The following ZNF227 variants were observed in gnomAD, a reference collection of about 807,000 sequenced individuals.
ZNF227 encodes the protein zinc finger protein 227.
In ZNF227, 12 loss-of-function variants were observed where a neutral mutation model predicts 13.2. The ratio of observed to expected loss-of-function variants is 0.91; its 90% CI spans 0.58 to 1.47. The LOEUF is 1.47. Among genes scored for constraint, ZNF227 ranks in the 40% most tolerant of loss-of-function variants. ZNF227 has a pLI of 0.00. For missense variants in ZNF227, 885 were observed against 967.5 expected (o/e 0.91, Z 1.13); for synonymous variants, 338 against 326.0 (o/e 1.04, Z -0.40).
In ZNF227 at chr19:44,236,381, C is replaced by G. The variant is rs1568621722; in HGVS notation, c.1951C>G (p.Gln651Glu). 3 of 1,614,110 alleles carry G rather than the reference C, an allele frequency of 1.9e-6. No homozygotes were observed. Among genetic ancestry groups the G allele is most frequent in the Non-Finnish European group, 2.5e-6 (3 of 1,180,018 alleles). Residue 651 changes from glutamine (Q) to glutamate (E), a missense_variant, in exon 6 of 6, where the codon CAG (glutamine) becomes GAG (glutamate). Coordinates refer to ENST00000313040, the MANE Select transcript of ZNF227 (RefSeq NM_182490.3). Reference protein sequence around the residue: ...FSQSSGLQSHQRVHTGEKPYK... With the variant: ...FSQSSGLQSHERVHTGEKPYK... ...TCAGTCCTCTGGTCTTCAATCCCAT[C>G]AGAGAGTCCACACGGGGGAAAAGCC...
intron 3 of ZNF227, 24 bp from the exon 4 acceptor site, chr19:44,228,422 G>A: frequency 6.2e-7 from 1 of 1,603,854 alleles, no homozygotes; most frequent in Non-Finnish European, 8.5e-7. Context: ...GTAAGATTGA[G>A]GTTACATGTG....
intron 4 of ZNF227, 90 bp from the exon 5 acceptor site, chr19:44,229,643 T>C: frequency 1.5e-6 from 1 of 661,672 alleles, no homozygotes; most frequent in Non-Finnish European, 2.3e-6. Context: ...AAAATATCAC[T>C]ATAGAGGTTG....
Position 44,236,396 on chromosome 19 carries a change from G to A in ZNF227, c.1966G>A (p.Gly656Arg). ...TCAATCCCATCAGAGAGTCCACACG[G>A]GGGAAAAGCCATACAAATGTGATGT... The part of the protein sequence containing the change: ...GLQSHQRVHT[G>R]EKPYKCDVCG... The change falls in exon 6 of 6, where the codon GGG becomes AGG. Residue 656 changes from glycine (G) to arginine (R), a missense_variant. Gly to Arg is a moderately radical substitution (Grantham distance 125). Coordinates refer to ENST00000313040, the MANE Select transcript of ZNF227 (RefSeq NM_182490.3). 1 of 1,614,078 alleles carries A rather than the reference G, an allele frequency of 6.2e-7. No individual in the cohort carries two copies. Among genetic ancestry groups the A allele is most frequent in the Non-Finnish European group, 8.5e-7 (1 of 1,180,022 alleles).
chr19:44,209,986 C>A (rs1017546693), upstream of ZNF227, among the ~76,000 whole-genome samples: 1 of 152,180 alleles, frequency 6.6e-6, no homozygotes, highest in African/African-American at 2.4e-5. Flanking sequence ...TAGCACCCAG[C>A]ACAAGACTGG....
chr19:44,215,603 C>A (rs1971796430), intron 2 of ZNF227, among the ~76,000 whole-genome samples: 1 of 151,726 alleles, frequency 6.6e-6, no homozygotes, highest in Admixed American at 6.6e-5. Flanking sequence ...TGTCATTCTT[C>A]TAACTTTAAA....
At chr19:44,211,934 C>T (rs1971393815), upstream of ZNF227, among the ~76,000 whole-genome samples, 6 of 135,750 alleles carry the variant, frequency 4.4e-5, no homozygotes, top group South Asian at 9.3e-4. Flanking sequence ...CTCACTCTGT[C>T]GCCCAGGCTG....
Position 44,225,089 on chromosome 19 carries a change from A to G in ZNF227, c.61-3357A>G, listed in dbSNP as rs1972963791. Among the ~76,000 whole-genome samples, 4 of 151,760 alleles carry G rather than the reference A, an allele frequency of 2.6e-5. No individual in the cohort carries two copies. In the South Asian group the frequency reaches 6.3e-4, roughly 24 times the overall value. On this transcript the variant is annotated intron_variant, in intron 3 of 5. Transcript: ENST00000313040. ...ATTCTTTTCTTTAAGAATGTTGAAT[A>G]TTGGCCCCCACTCTCTTCTGGCTTG...
intron 5 of ZNF227, among the ~76,000 whole-genome samples, chr19:44,231,046 A>G (rs1339897824): frequency 1.3e-5 from 2 of 150,508 alleles, no homozygotes; most frequent in African/African-American, 4.9e-5. Context: ...CCTGGACAAC[A>G]TAGTGAGACC....
Position 44,236,930 on chromosome 19 carries a change from A to AGG in ZNF227, c.*104_*105dup. ...ACCCTGTAAAACTACTGAGAGTGGA[A>AGG]GGGGGTTTGTTCACACTTGGAATCT... is the stretch of plus-strand genomic sequence containing the variant. On this transcript the variant is annotated 3_prime_UTR_variant, in exon 6 of 6. Transcript: ENST00000313040. 1 of 931,800 alleles carries AGG rather than the reference A, an allele frequency of 1.1e-6. No homozygotes were observed. Among genetic ancestry groups the AGG allele is most frequent in the Non-Finnish European group, 1.6e-6 (1 of 634,160 alleles). The allele number at this position is 931,800 out of a possible 1,614,324, so 57.7% of individuals were successfully genotyped here.
chr19:44,215,476 C>G (rs1278553452), intron 2 of ZNF227, among the ~76,000 whole-genome samples: 1 of 143,684 alleles, frequency 7.0e-6, no homozygotes, highest in Non-Finnish European at 1.5e-5. Context: ...TTAGTGCAGT[C>G]TGGGATAATT....
At chr19:44,222,430 T>G (rs1260524226) in intron 3 of ZNF227, among the ~76,000 whole-genome samples, 1 of 151,768 alleles carries the variant, frequency 6.6e-6, no homozygotes, top group African/African-American at 2.4e-5. Flanking sequence ...GTATCCTCTT[T>G]TATTTCATCG....
At chr19:44,214,908 G>C (rs1971705741) in intron 2 of ZNF227, among the ~76,000 whole-genome samples, 1 of 151,938 alleles carries the variant, frequency 6.6e-6, no homozygotes, top group South Asian at 2.1e-4. Flanking sequence ...GGTGATTGGA[G>C]GGGTACCGCC....
At chr19:44,218,198 TGTAA>T (rs758773356) in intron 3 of ZNF227, among the ~76,000 whole-genome samples, 17 of 152,340 alleles carry the variant, frequency 1.1e-4, no homozygotes, top group East Asian at 1.9e-4. Flanking sequence ...TCACCTGCAT[TGTAA>T]GTGAGTACAT....
intron 3 of ZNF227, among the ~76,000 whole-genome samples, chr19:44,226,272 A>T (rs1973146979): frequency 6.6e-6 from 1 of 152,232 alleles, no homozygotes; most frequent in Non-Finnish European, 1.5e-5. Flanking sequence ...TCAGATCTCC[A>T]GCTGCATGCT....
intron 3 of ZNF227, among the ~76,000 whole-genome samples, chr19:44,221,977 A>C (rs1048019173): frequency 2.0e-5 from 3 of 152,230 alleles, no homozygotes; most frequent in African/African-American, 7.2e-5. Context: ...AGCTTTCTAC[A>C]TATGGCTAAC....
chr19:44,230,709 C>G (rs1973686823), intron 5 of ZNF227, among the ~76,000 whole-genome samples: 1 of 151,586 alleles, frequency 6.6e-6, no homozygotes, highest in East Asian at 1.9e-4. Flanking sequence ...TTTCCATCCC[C>G]TTACCTTTCC....
chr19:44,226,768 G>A lies in ZNF227; in HGVS notation c.61-1678G>A, dbSNP rs562248472. ...CACCCTGCTTTGGCTCACACCCAGT[G>A]TGCTGCACCCACTGCCCTGCGCCCA... On this transcript the variant is annotated intron_variant, in intron 3 of 5. Transcript: ENST00000313040. 5.3e-5 allele frequency among the ~76,000 whole-genome samples: 8 copies of A among 152,252 alleles called. 1 individual carries two copies. In the South Asian group the frequency reaches 1.7e-3, roughly 32 times the overall value.
At chr19:44,219,656 A>C (rs1972243411) in intron 3 of ZNF227, among the ~76,000 whole-genome samples, 1 of 152,062 alleles carries the variant, frequency 6.6e-6, no homozygotes, top group Non-Finnish European at 1.5e-5. Context: ...CTAGAGATTC[A>C]GGAATGCTTG....
intron 3 of ZNF227, among the ~76,000 whole-genome samples, chr19:44,222,121 T>G (rs1972587094): frequency 6.6e-6 from 1 of 152,034 alleles, no homozygotes; most frequent in African/African-American, 2.4e-5. Context: ...CATTGATCTA[T>G]ATCTCTGTTT....
Sources: gnomAD v4.1 joint callset for allele counts (sites outside exome capture counted in the v4.1 genomes callset) on GRCh38, gnomAD v4.1.1 for gene constraint, MANE v1.5 for transcripts, NCBI Gene and HGNC (gene_info 2026-07-23, HGNC 2026-07-21) for gene names.